The following GPR158 variants were observed in gnomAD, a reference collection of about 807,000 sequenced individuals.
GPR158 encodes G protein-coupled receptor 158, also known as metabotropic glycine receptor.
GPR158 carries 30 observed loss-of-function variants against 78.2 expected under a neutral mutation model. That is an observed-to-expected ratio of 0.38 (90% CI 0.29 to 0.52). The LOEUF (loss-of-function observed/expected upper bound fraction) is 0.52. GPR158 is among the 20% of genes least tolerant of loss of function. GPR158 has a pLI of 0.83. For synonymous variants in GPR158, 581 were observed against 591.1 expected, an observed-to-expected ratio of 0.98 and a Z score of 0.25; for missense variants, 1,463 against 1,523.5, an observed-to-expected ratio of 0.96 and a Z score of 0.66.
intron 5 of GPR158, among the ~76,000 whole-genome samples, chr10:25,492,633 C>T (rs1043861965): frequency 6.6e-6 from 1 of 151,970 alleles, no homozygotes; most frequent in African/African-American, 2.4e-5. Context: ...GTTATATCTG[C>T]ATGTGGAGAA....
rs774965116 is a variant in GPR158 at position 25,593,742 on chromosome 10, A to G, written c.1893-550A>G. Among the ~76,000 whole-genome samples the G allele has an allele frequency of 1.3e-4, 20 of 152,208 alleles. No homozygotes were observed. In the South Asian group the frequency reaches 3.7e-3, roughly 28 times the overall value. ...ATTATTTTAGACAATTTGATAATTT[A>G]GAACAATTTATTTTAAAGAGTACAT... On this transcript the variant is annotated intron_variant, in intron 8 of 10. Coordinates refer to ENST00000376351, the MANE Select transcript of GPR158 (RefSeq NM_020752.3).
chr10:25,391,212 G>A (rs1029824592), intron 2 of GPR158, among the ~76,000 whole-genome samples: 2 of 74,890 alleles, frequency 2.7e-5, no homozygotes, highest in African/African-American at 6.0e-5. Flanking sequence ...CAGTGCAGAA[G>A]GAAAATGTGG....
chr10:25,366,682 T>C (rs1227165861), intron 2 of GPR158, among the ~76,000 whole-genome samples: 1 of 151,688 alleles, frequency 6.6e-6, no homozygotes, highest in South Asian at 2.1e-4. Flanking sequence ...TCCTCCTGTC[T>C]AGCTGAAATT....
chr10:25,303,124 A>C (rs1044152277), intron 2 of GPR158, among the ~76,000 whole-genome samples: 18 of 152,212 alleles, frequency 1.2e-4, no homozygotes, highest in Admixed American at 3.3e-4. Flanking sequence ...AAAGCTGGCT[A>C]CTGTGAATAT....
intron 2 of GPR158, among the ~76,000 whole-genome samples, chr10:25,275,917 TA>T (rs754104846): frequency 6.6e-6 from 1 of 152,144 alleles, no homozygotes; most frequent in African/African-American, 2.4e-5. Flanking sequence ...GGCATGTTAT[TA>T]AAAAAATCTT....
intron 2 of GPR158, among the ~76,000 whole-genome samples, chr10:25,224,072 C>CT (rs1040947387): frequency 4.6e-5 from 7 of 152,114 alleles, no homozygotes; most frequent in African/African-American, 1.7e-4. Flanking sequence ...AGAAAATAAT[C>CT]TCTCAGTGAG....
intron 2 of GPR158, among the ~76,000 whole-genome samples, chr10:25,307,745 A>G (rs1034693201): frequency 4.6e-5 from 7 of 151,960 alleles, no homozygotes; most frequent in African/African-American, 1.7e-4. Flanking sequence ...TCTTCTTTAT[A>G]CTTGTCTACA....
chr10:25,493,139 G>A (rs371715083), intron 5 of GPR158, among the ~76,000 whole-genome samples: 2 of 152,178 alleles, frequency 1.3e-5, no homozygotes, highest in East Asian at 3.9e-4. Context: ...AGAGAGTTTT[G>A]GGGGTGTGTT....
intron 5 of GPR158, among the ~76,000 whole-genome samples, chr10:25,487,921 A>G (rs1471720301): frequency 6.6e-6 from 1 of 152,186 alleles, no homozygotes; most frequent in Non-Finnish European, 1.5e-5. Context: ...AAAAATAAAA[A>G]TTAAAGAGAT....
chr10:25,578,372 G>A (rs4237372), intron 7 of GPR158, among the ~76,000 whole-genome samples: 33,092 of 152,184 alleles, frequency 0.22, 4,576 homozygotes, highest in Non-Finnish European at 0.31. Flanking sequence ...GATATTTTCT[G>A]TTGTCAGACT....
At chr10:25,404,524 G>A (rs1834487297) in intron 3 of GPR158, among the ~76,000 whole-genome samples, 1 of 152,008 alleles carries the variant, frequency 6.6e-6, no homozygotes, top group Non-Finnish European at 1.5e-5. Context: ...TCAACCTTAT[G>A]TCTAGTTGCT....
intron 2 of GPR158, among the ~76,000 whole-genome samples, chr10:25,282,252 C>T (rs866088600): frequency 2.6e-5 from 4 of 152,046 alleles, no homozygotes; most frequent in Admixed American, 1.3e-4. Context: ...AGCCTGGCTT[C>T]TTTTATTTAT....
intron 1 of GPR158, among the ~76,000 whole-genome samples, chr10:25,190,921 GAC>G (rs1564387121): frequency 1.3e-5 from 2 of 152,268 alleles, no homozygotes; most frequent in South Asian, 4.1e-4. Flanking sequence ...AGAAATAAGA[GAC>G]AATGTTGTGA....
At chr10:25,369,330 G>C (rs1833954260) in intron 2 of GPR158, among the ~76,000 whole-genome samples, 2 of 150,050 alleles carry the variant, frequency 1.3e-5, no homozygotes, top group African/African-American at 5.1e-5. Flanking sequence ...TTATTATTTT[G>C]AGATACATCC....
intron 2 of GPR158, among the ~76,000 whole-genome samples, chr10:25,352,560 G>T (rs1046993755): frequency 2.8e-5 from 4 of 141,948 alleles, no homozygotes; most frequent in Admixed American, 2.7e-4. Context: ...TACTTTTGCT[G>T]ATTGGTTACT....
intron 2 of GPR158, among the ~76,000 whole-genome samples, chr10:25,307,597 GCTTCTGGGCTCAAGCAAT>G (rs1854699033): frequency 1.3e-5 from 2 of 151,828 alleles, no homozygotes; most frequent in African/African-American, 4.8e-5. Context: ...CTTGTCTCGA[GCTTCTGGGCTCAAGCAAT>G]CTTCCTGCCT....
intron 5 of GPR158, among the ~76,000 whole-genome samples, chr10:25,542,277 G>C (rs1416036240): frequency 2.6e-5 from 4 of 152,062 alleles, no homozygotes; most frequent in Non-Finnish European, 5.9e-5. Flanking sequence ...ACTAGGAAAG[G>C]GGAACTGCTG....
intron 2 of GPR158, among the ~76,000 whole-genome samples, chr10:25,300,398 A>T (rs868709988): frequency 3.3e-5 from 5 of 152,130 alleles, no homozygotes; most frequent in East Asian, 1.9e-4. Context: ...ACTTGTGATT[A>T]TATTGTGCCC....
chr10:25,570,260 A>T (rs887777832), intron 6 of GPR158, among the ~76,000 whole-genome samples: 1 of 152,194 alleles, frequency 6.6e-6, no homozygotes, highest in Admixed American at 6.5e-5. Context: ...ATATAACTGG[A>T]CTTCATATTA....
Sources: allele counts gnomAD v4.1 joint callset (sites outside exome capture counted in the v4.1 genomes callset), GRCh38; gene constraint gnomAD v4.1.1; transcripts MANE v1.5; gene names NCBI Gene and HGNC (gene_info 2026-07-23, HGNC 2026-07-21).